Variants in MRTFA observed in about 807,000 individuals in gnomAD.
MRTFA encodes the protein myocardin-related transcription factor A.
MRTFA carries 20 observed loss-of-function variants against 83.5 expected under a neutral mutation model. That is an observed-to-expected ratio of 0.24 (90% CI 0.17 to 0.35). The LOEUF is 0.35. Among genes scored for constraint, MRTFA ranks in the 10% least tolerant of loss-of-function variants. The pLI is 1.00. For synonymous variants in MRTFA, 659 were observed against 541.2 expected (o/e 1.22, Z -3.02); for missense variants, 1,200 against 1,224.7 (o/e 0.98, Z 0.30).
At chr22:40,540,517 C>T (rs780625843) in intron 3 of MRTFA, among the ~76,000 whole-genome samples, 11 of 152,054 alleles carry the variant, frequency 7.2e-5, no homozygotes, top group East Asian at 1.9e-4. Context: ...CCAGGCAGCG[C>T]GGTGGCTCAA....
In MRTFA at chr22:40,544,641, A is replaced by G. The variant is rs535235279; in HGVS notation, c.241+7465T>C. Among the ~76,000 whole-genome samples the G allele has an allele frequency of 9.2e-5, 14 of 152,360 alleles. 1 individual carries two copies. In the South Asian group the frequency reaches 2.9e-3, roughly 32 times the overall value. ...GCAACAACAAACTAGTATTCCGGATATTTAAAGAACTCTTATTAAAGAAAA... is the reference window on the plus strand; with the variant it reads ...GCAACAACAAACTAGTATTCCGGATGTTTAAAGAACTCTTATTAAAGAAAA... On this transcript the variant is annotated intron_variant, in intron 3 of 14. Coordinates refer to ENST00000355630, the MANE Select transcript of MRTFA (RefSeq NM_020831.6).
intron 2 of MRTFA, chr22:40,587,528 CT>C: frequency 3.5e-6 from 1 of 289,344 alleles, no homozygotes. Context: ...TAGCCTTCAA[CT>C]TTATCTCTGA....
At chr22:40,478,138 A>G (rs1381910142) in intron 3 of MRTFA, among the ~76,000 whole-genome samples, 1 of 152,178 alleles carries the variant, frequency 6.6e-6, no homozygotes, top group African/African-American at 2.4e-5. Flanking sequence ...AAGTTAAGAT[A>G]AAAAGGAGGA....
chr22:40,514,675 T>A (rs2054727120), intron 3 of MRTFA, among the ~76,000 whole-genome samples: 1 of 151,610 alleles, frequency 6.6e-6, no homozygotes, highest in Non-Finnish European at 1.5e-5. Context: ...AGACAGGGTT[T>A]CACCATGTTA....
At chr22:40,503,316 A>C (rs1290439215) in intron 3 of MRTFA, among the ~76,000 whole-genome samples, 1 of 152,192 alleles carries the variant, frequency 6.6e-6, no homozygotes, top group Non-Finnish European at 1.5e-5. Context: ...TGTCAACAAA[A>C]TCAGAAATGT....
intron 1 of MRTFA, among the ~76,000 whole-genome samples, chr22:40,596,396 A>T (rs1305627940): frequency 6.6e-6 from 1 of 152,200 alleles, no homozygotes; most frequent in Non-Finnish European, 1.5e-5. Flanking sequence ...ATATGGTTAC[A>T]TATACCCTCA....
chr22:40,581,192 C>T, intron 2 of MRTFA, among the ~76,000 whole-genome samples: 1 of 152,066 alleles, frequency 6.6e-6, no homozygotes, highest in South Asian at 2.1e-4. Context: ...TCCATTCTGA[C>T]TGTACTAGAG....
At chr22:40,582,737 G>A (rs2055968128) in intron 2 of MRTFA, among the ~76,000 whole-genome samples, 2 of 151,960 alleles carry the variant, frequency 1.3e-5, no homozygotes, top group Non-Finnish European at 2.9e-5. Flanking sequence ...GATTCCCTGG[G>A]AAACTGCACT....
chr22:40,452,805 CAAAAAAAAAA>C (rs34486531), intron 4 of MRTFA, among the ~76,000 whole-genome samples: 2 of 62,668 alleles, frequency 3.2e-5, no homozygotes, highest in African/African-American at 6.3e-5. Context: ...CACTCCGTCT[CAAAAAAAAAA>C]AAAAAAAAAA....
intron 4 of MRTFA, among the ~76,000 whole-genome samples, chr22:40,442,667 A>G: frequency 6.6e-6 from 1 of 152,220 alleles, no homozygotes; most frequent in South Asian, 2.1e-4. Context: ...GAAAAGAGAC[A>G]AATATAAGAT....
chr22:40,558,781 T>TG (rs924083553), intron 2 of MRTFA, among the ~76,000 whole-genome samples: 12 of 143,560 alleles, frequency 8.4e-5, no homozygotes, highest in African/African-American at 3.1e-4. Context: ...TTGTTTTTTT[T>TG]GGGGGGGTTT....
chr22:40,547,790 G>T (rs200611220), intron 3 of MRTFA, among the ~76,000 whole-genome samples: 8 of 150,592 alleles, frequency 5.3e-5, no homozygotes, highest in Non-Finnish European at 1.0e-4. Flanking sequence ...GGAGGCAGAG[G>T]TTGCCGTGAG....
intron 1 of MRTFA, among the ~76,000 whole-genome samples, chr22:40,605,632 G>C (rs1001025495): frequency 1.3e-5 from 2 of 152,212 alleles, no homozygotes; most frequent in Non-Finnish European, 2.9e-5. Flanking sequence ...AGAATGGATT[G>C]ATCGAGAATA....
intron 1 of MRTFA, among the ~76,000 whole-genome samples, chr22:40,615,047 GAA>G (rs796125975): frequency 6.8e-6 from 1 of 146,328 alleles, no homozygotes; most frequent in Non-Finnish European, 1.5e-5. Context: ...ACACGTGCTA[GAA>G]AAAAAAAAAT....
intron 2 of MRTFA, among the ~76,000 whole-genome samples, chr22:40,573,211 C>T (rs777928003): frequency 5.3e-5 from 8 of 152,010 alleles, no homozygotes; most frequent in Admixed American, 3.9e-4. Flanking sequence ...CACAATCTTG[C>T]GAAAATACTG....
chr22:40,564,088 A>C (rs1273189738), intron 2 of MRTFA, among the ~76,000 whole-genome samples: 1 of 152,206 alleles, frequency 6.6e-6, no homozygotes, highest in African/African-American at 2.4e-5. Context: ...GATTTATATA[A>C]GATAGAATGT....
chr22:40,633,510 G>A (rs890025045), intron 1 of MRTFA, among the ~76,000 whole-genome samples: 1 of 152,078 alleles, frequency 6.6e-6, no homozygotes, highest in African/African-American at 2.4e-5. Context: ...ACTTAAATAA[G>A]TATTTAAGCT....
intron 2 of MRTFA, among the ~76,000 whole-genome samples, chr22:40,573,439 G>T (rs953633495): frequency 6.6e-6 from 1 of 152,126 alleles, no homozygotes; most frequent in African/African-American, 2.4e-5. Context: ...ATTTTTAGTA[G>T]AGACAGGGTT....
chr22:40,632,756 G>A (rs1015875729), intron 1 of MRTFA, among the ~76,000 whole-genome samples: 1 of 152,102 alleles, frequency 6.6e-6, no homozygotes, highest in Non-Finnish European at 1.5e-5. Context: ...TTTTTTGAGA[G>A]ACCTGAGTTT....
Sources: allele counts gnomAD v4.1 joint callset (sites outside exome capture counted in the v4.1 genomes callset), GRCh38; gene constraint gnomAD v4.1.1; transcripts MANE v1.5; gene names NCBI Gene and HGNC (gene_info 2026-07-23, HGNC 2026-07-21).